Variants in NXN observed in about 807,000 individuals in gnomAD.
The protein encoded by NXN is nucleoredoxin, also known as nucleoredoxin 1.
NXN carries 16 observed loss-of-function variants against 48.6 expected under a neutral mutation model. That is an observed-to-expected ratio of 0.33 (90% CI 0.22 to 0.50). The LOEUF (loss-of-function observed/expected upper bound fraction) is 0.50. Among genes scored for constraint, NXN ranks in the 20% least tolerant of loss-of-function variants. The probability of loss-of-function intolerance (pLI) is 0.98; values close to 1 mark genes in which losing one functional copy is unlikely to be tolerated. For synonymous variants in NXN, 281 were observed against 269.6 expected (o/e 1.04, Z -0.41); for missense variants, 492 against 605.5 (o/e 0.81, Z 1.97).
chr17:847,257 GCT>G (rs1052139923), intron 1 of NXN, among the ~76,000 whole-genome samples: 2 of 151,724 alleles, frequency 1.3e-5, no homozygotes, highest in Admixed American at 6.6e-5. Flanking sequence ...TGCGTGGAAA[GCT>G]CTGTTTCTTG....
At chr17:957,434 C>G (rs773914260) in intron 1 of NXN, among the ~76,000 whole-genome samples, 2 of 152,052 alleles carry the variant, frequency 1.3e-5, no homozygotes, top group South Asian at 4.1e-4. Flanking sequence ...GAGTTCAAGA[C>G]CAGCCTGGCC....
At chr17:852,098 A>G (rs2067929789) in intron 1 of NXN, among the ~76,000 whole-genome samples, 1 of 152,186 alleles carries the variant, frequency 6.6e-6, no homozygotes, top group Non-Finnish European at 1.5e-5. Context: ...GAGAAAAGGG[A>G]GCTAGAATCC....
chr17:872,183 A>G (rs1393377209), intron 1 of NXN, among the ~76,000 whole-genome samples: 1 of 150,722 alleles, frequency 6.6e-6, no homozygotes, highest in African/African-American at 2.4e-5. Context: ...CGTGAATCAA[A>G]GACAAGAGGA....
At chr17:889,271 C>T (rs963992761) in intron 1 of NXN, among the ~76,000 whole-genome samples, 1 of 152,226 alleles carries the variant, frequency 6.6e-6, no homozygotes, top group Admixed American at 6.5e-5. Flanking sequence ...AGCCCAGCAC[C>T]TGCACGTGCC....
At chr17:930,659 A>G (rs1567506275) in intron 1 of NXN, among the ~76,000 whole-genome samples, 1 of 152,194 alleles carries the variant, frequency 6.6e-6, no homozygotes, top group South Asian at 2.1e-4. Context: ...CAACGTTCCC[A>G]AAGTCCTATT....
At chr17:885,897 C>T (rs2068341810) in intron 1 of NXN, among the ~76,000 whole-genome samples, 1 of 151,588 alleles carries the variant, frequency 6.6e-6, no homozygotes. Flanking sequence ...ACCGTGTCAG[C>T]CAGGATGGTC....
At chr17:876,806 G>A (rs968060663) in intron 1 of NXN, among the ~76,000 whole-genome samples, 4 of 152,102 alleles carry the variant, frequency 2.6e-5, no homozygotes, top group African/African-American at 9.7e-5. Context: ...CACTTTGGGA[G>A]GCTGCGGGGG....
At chr17:979,269 G>GTAACGGGCGTGGGGGGCGGGCAGGGA (rs2069505900) in intron 1 of NXN, 50 bp downstream of exon 1, 1 of 1,165,556 alleles carries the variant, frequency 8.6e-7, no homozygotes, top group African/African-American at 1.8e-5. Flanking sequence ...GCGGGCAGGG[G>GTAACGGGCGTGGGGGGCGGGCAGGGA]TAACGGGCGT....
chr17:889,870 A>G (rs2068397239), intron 1 of NXN, among the ~76,000 whole-genome samples: 1 of 152,170 alleles, frequency 6.6e-6, no homozygotes, highest in Non-Finnish European at 1.5e-5. Context: ...AAGGCTGTGG[A>G]TATTTCGGAG....
At chr17:822,626 G>T (rs1240569027) in intron 3 of NXN, among the ~76,000 whole-genome samples, 169 bp from the exon 4 acceptor site, 1 of 152,134 alleles carries the variant, frequency 6.6e-6, no homozygotes, top group Non-Finnish European at 1.5e-5. Context: ...GGAGGCTGAG[G>T]TCAGAAGATC....
At chr17:806,303 C>T (rs1047083311) in intron 5 of NXN, among the ~76,000 whole-genome samples, 2 of 150,668 alleles carry the variant, frequency 1.3e-5, no homozygotes, top group African/African-American at 4.9e-5. Flanking sequence ...CAGCCCCCGC[C>T]GTCTGCACCC....
intron 1 of NXN, among the ~76,000 whole-genome samples, chr17:954,638 G>A (rs1172849908): frequency 1.3e-5 from 2 of 152,208 alleles, no homozygotes; most frequent in Non-Finnish European, 2.9e-5. Flanking sequence ...CGAGTGCCAG[G>A]TGCTCAGGTC....
intron 1 of NXN, among the ~76,000 whole-genome samples, chr17:890,267 ATAAT>A (rs886556184): frequency 6.6e-6 from 1 of 152,160 alleles, no homozygotes; most frequent in Non-Finnish European, 1.5e-5. Context: ...CAGGTGGGAG[ATAAT>A]TAAAGTTTGA....
At chr17:928,813 G>A (rs1234993640) in intron 1 of NXN, among the ~76,000 whole-genome samples, 3 of 151,900 alleles carry the variant, frequency 2.0e-5, no homozygotes, top group African/African-American at 7.3e-5. Flanking sequence ...TCCAGCCTGG[G>A]TGACAGAGTG....
chr17:834,658 T>A (rs895861029), intron 1 of NXN, among the ~76,000 whole-genome samples: 2 of 151,814 alleles, frequency 1.3e-5, no homozygotes, highest in African/African-American at 4.8e-5. Flanking sequence ...GTGCTGGGAT[T>A]ACAGGCGCCC....
intron 1 of NXN, among the ~76,000 whole-genome samples, chr17:833,180 C>T (rs537567132): frequency 3.7e-4 from 57 of 152,276 alleles, no homozygotes; most frequent in African/African-American, 9.6e-4. Flanking sequence ...CATGAGCCAC[C>T]GCACCCGGCC....
intron 1 of NXN, among the ~76,000 whole-genome samples, chr17:840,343 CTT>C (rs112852369): frequency 6.8e-6 from 1 of 147,388 alleles, no homozygotes. Flanking sequence ...GCAGAGACTT[CTT>C]TTTTTTTTTC....
At chr17:950,929 A>G (rs1276688453) in intron 1 of NXN, among the ~76,000 whole-genome samples, 1 of 82,188 alleles carries the variant, frequency 1.2e-5, no homozygotes, top group African/African-American at 6.2e-5. Context: ...TTTAGGAGCT[A>G]CTGCTGTCAA....
intron 1 of NXN, among the ~76,000 whole-genome samples, chr17:918,657 G>C (rs2068714544): frequency 6.6e-6 from 1 of 151,972 alleles, no homozygotes; most frequent in Non-Finnish European, 1.5e-5. Context: ...TCCAGGCGCG[G>C]TGGTGGGCGG....
Sources: allele counts gnomAD v4.1 joint callset (sites outside exome capture counted in the v4.1 genomes callset), GRCh38; gene constraint gnomAD v4.1.1; transcripts MANE v1.5; gene names NCBI Gene and HGNC (gene_info 2026-07-23, HGNC 2026-07-21).